The following ADGRB2 variants were observed in gnomAD, a reference collection of about 807,000 sequenced individuals.
The protein encoded by ADGRB2 is adhesion G protein-coupled receptor B2, also known as brain-specific angiogenesis inhibitor 2.
In ADGRB2, 47 loss-of-function variants were observed where a neutral mutation model predicts 178.7. The observed-to-expected ratio is 0.26, with a 90% CI of 0.21 to 0.34. The LOEUF (loss-of-function observed/expected upper bound fraction) is 0.34, where lower values mean the gene tolerates loss of function less well. ADGRB2 is among the 10% of genes least tolerant of loss of function. ADGRB2 has a pLI of 1.00. For synonymous variants in ADGRB2, 870 were observed against 912.4 expected (o/e 0.95, Z 0.84); for missense variants, 1,584 against 2,180.8 (o/e 0.73, Z 5.45).
rs1272983863 is a variant in ADGRB2, at chr1:31,735,843, G to A, written c.3251C>T (p.Ala1084Val). Reference sequence around the variant, plus strand: ...GGCACATACCAGGACAATGACGGCTGCAGGGCCCACAAAGGCGTAGAGCAG... The same window carrying A: ...GGCACATACCAGGACAATGACGGCTACAGGGCCCACAAAGGCGTAGAGCAG... ...GGLLYAFVGP[A>V]AVIVLVNMLI... Residue 1084 changes from alanine to valine, a missense_variant, in exon 23 of 33, where the codon GCA (alanine) becomes GTA (valine). Physicochemically the swap from Ala to Val is moderately conservative, Grantham distance 64. Around this residue, in one of 3 missense-constraint regions of ADGRB2, gnomAD observed 865 missense variants for 1,192.8 expected, o/e 0.73. Transcript: ENST00000373658. This position sits in a 1 kb window ranked among gnomAD's most constrained non-coding sequence, Gnocchi z 6.0. 2.5e-6 allele frequency: 4 copies of A among 1,609,330 alleles called. No individual in the cohort carries two copies. The highest frequency in any genetic ancestry group is 3.4e-6 in the Non-Finnish European group (4 of 1,177,640).
In ADGRB2 at chr1:31,764,151, T is replaced by TC. The variant is rs1647134493; in HGVS notation, c.-459dup. 22 of 623,266 alleles carry TC rather than the reference T, an allele frequency of 3.5e-5. No individual in the cohort carries two copies. The South Asian group carries it at 5.7e-4, about 16-fold the overall frequency. 38.6% of individuals were successfully genotyped at this position (623,266 alleles called of 1,614,324 possible). A position where few individuals can be genotyped will look rare whatever the true frequency, so the allele number is the denominator to read the frequency against. On this transcript the variant is annotated 5_prime_UTR_variant, in exon 1 of 33. Coordinates refer to ENST00000373658, the MANE Select transcript of ADGRB2 (RefSeq NM_001364857.2). This position sits in a 1 kb window ranked among gnomAD's most constrained non-coding sequence, Gnocchi z 7.3. ...GCCTCCTTGCCGCGCCGCCCCCCGC[T>TC]CCCCCGCTCCCCCGCCCCGAGCACC...
At chr1:31,732,291 C>T in intron 27 of ADGRB2, 137 bp from the exon 28 acceptor site, 6 of 1,312,936 alleles carry the variant, frequency 4.6e-6, no homozygotes, top group Non-Finnish European at 6.4e-6. Flanking sequence ...GCCCATGGCC[C>T]AGCAGAGCCC....
chr1:31,742,621 C>A (rs887096592), intron 7 of ADGRB2, among the ~76,000 whole-genome samples: 8 of 152,212 alleles, frequency 5.3e-5, no homozygotes, highest in African/African-American at 1.2e-4. Context: ...CTCTTGATGG[C>A]GTCACAGGGT....
At position 31,741,977 on chromosome 1, in the gene ADGRB2, A is replaced by G. The variant is rs1262840478; in HGVS notation, c.1418-10T>C. The G allele has an allele frequency of 1.3e-6, 2 of 1,585,384 alleles. No individual in the cohort carries two copies. Among genetic ancestry groups the G allele is most frequent in the Non-Finnish European group, 1.7e-6 (2 of 1,161,080 alleles). ...CACTTGCTATCAGTGGCTGTGGGAG[A>G]GGTGAGGCATATGAGTGGGCCCAGG... On this transcript the variant is annotated splice_polypyrimidine_tract_variant and intron_variant, in intron 8 of 32. Coordinates refer to ENST00000373658, the MANE Select transcript of ADGRB2 (RefSeq NM_001364857.2). This position sits in a 1 kb window ranked among gnomAD's most constrained non-coding sequence, Gnocchi z 6.5.
intron 1 of ADGRB2, among the ~76,000 whole-genome samples, chr1:31,762,238 C>T (rs1450810659): frequency 1.3e-5 from 2 of 152,090 alleles, no homozygotes; most frequent in Non-Finnish European, 2.9e-5. Context: ...GGGAAGATCT[C>T]TTCTCTCAAT....
chr1:31,738,442 C>T, intron 17 of ADGRB2, 116 bp from the exon 18 acceptor site: 1 of 1,545,694 alleles, frequency 6.5e-7, no homozygotes, highest in Non-Finnish European at 8.8e-7. Context: ...CACGAGGCAA[C>T]AGCAGGGAGT....
In ADGRB2 at chr1:31,761,375, G is replaced by A. The variant is rs1647038584; in HGVS notation, c.-191+2509C>T. Reference sequence around the variant, plus strand: ...TCTGACCCAAGGCAAAGGGCCCTGGGAAATTCCTGATGGTGTCTGACCTCC... The same window carrying A: ...TCTGACCCAAGGCAAAGGGCCCTGGAAAATTCCTGATGGTGTCTGACCTCC... On this transcript the variant is annotated intron_variant, in intron 1 of 32. Transcript: ENST00000373658. This position sits in a 1 kb window ranked among gnomAD's most constrained non-coding sequence, Gnocchi z 4.2. 6.6e-6 allele frequency among the ~76,000 whole-genome samples: 1 copy of A among 152,242 alleles called. No individual in the cohort carries two copies. The highest frequency in any genetic ancestry group is 2.4e-5 in the African/African-American group (1 of 41,468).
chr1:31,739,104 C>G, intron 15 of ADGRB2, 167 bp from the exon 16 acceptor site: 1 of 830,354 alleles, frequency 1.2e-6, no homozygotes, highest in African/African-American at 1.7e-5. Context: ...GAGCTCTGTC[C>G]CTCACCCGCT....
chr1:31,732,211 G>C, intron 27 of ADGRB2, 57 bp from the exon 28 acceptor site: 1 of 1,608,660 alleles, frequency 6.2e-7, no homozygotes. Context: ...TATCAGGGTG[G>C]GAGGAGGCTC....
chr1:31,737,346 C>A, intron 20 of ADGRB2, 83 bp downstream of exon 20: 2 of 1,323,514 alleles, frequency 1.5e-6, no homozygotes, highest in South Asian at 1.2e-5. Context: ...AATGGACGTA[C>A]AAGCAAACAC....
At position 31,733,919 on chromosome 1, in the gene ADGRB2, C is replaced by T. The variant is rs756158825; in HGVS notation, c.3453-776G>A. Reference sequence around the variant, plus strand: ...CATGAGGGACAGCCAGGCCACCATACCCTCCCGGGCCAGGTGCCACACTCA... The same window carrying T: ...CATGAGGGACAGCCAGGCCACCATATCCTCCCGGGCCAGGTGCCACACTCA... On this transcript the variant is annotated intron_variant, in intron 25 of 32. Transcript: ENST00000373658. This position sits in a 1 kb window ranked among gnomAD's most constrained non-coding sequence, Gnocchi z 4.3. Among the ~76,000 whole-genome samples, 4 of 152,212 alleles carry T rather than the reference C, an allele frequency of 2.6e-5. No individual in the cohort carries two copies. The highest frequency in any genetic ancestry group is 5.9e-5 in the Non-Finnish European group (4 of 68,038).
rs1646063693 is a variant in ADGRB2, at chr1:31,743,017, G to A, written c.1088-15C>T. The A allele has an allele frequency of 1.4e-6, 2 of 1,412,600 alleles. No individual in the cohort carries two copies. The highest frequency in any genetic ancestry group is 1.9e-6 in the Non-Finnish European group (2 of 1,078,170). 87.5% of individuals were successfully genotyped at this position (1,412,600 alleles called of 1,614,324 possible). On this transcript the variant is annotated splice_polypyrimidine_tract_variant and intron_variant, in intron 6 of 32. Coordinates refer to ENST00000373658, the MANE Select transcript of ADGRB2 (RefSeq NM_001364857.2). The stretch of plus-strand genomic sequence containing the variant: ...CACGCCGTGCACTGCAAGGAAGCAC[G>A]TGGCCGGTGGCTGGGCGGCACCATG...
chr1:31,744,182 G>A lies in ADGRB2; in HGVS notation c.1087+11C>T. The A allele has an allele frequency of 6.6e-7, 1 of 1,517,702 alleles. No homozygotes were observed. Among genetic ancestry groups the A allele is most frequent in the East Asian group, 2.5e-5 (1 of 40,244 alleles). The allele number at this position is 1,517,702 out of a possible 1,614,324, so 94.0% of individuals were successfully genotyped here. A position where few individuals can be genotyped will look rare whatever the true frequency, so the allele number is the denominator to read the frequency against. ...TGCAGGCAGGTGGGGTGGGGAGGAG[G>A]ATGGGCCTACCTGGGCAGGTGGCTG... On this transcript the variant is annotated intron_variant, in intron 6 of 32. Coordinates refer to ENST00000373658, the MANE Select transcript of ADGRB2 (RefSeq NM_001364857.2). This position sits in a 1 kb window ranked among gnomAD's most constrained non-coding sequence, Gnocchi z 6.7.
chr1:31,733,373 G>A lies in ADGRB2; in HGVS notation c.3453-230C>T, dbSNP rs970703575. Among the ~76,000 whole-genome samples, 11 of 152,220 alleles carry A rather than the reference G, an allele frequency of 7.2e-5. No homozygotes were observed. The highest frequency in any genetic ancestry group is 2.7e-4 in the African/African-American group (11 of 41,452). On this transcript the variant is annotated intron_variant, in intron 25 of 32. Transcript: ENST00000373658. This position sits in a 1 kb window ranked among gnomAD's most constrained non-coding sequence, Gnocchi z 4.3. ...CGGGGTCAGAGCAGGGACCAGGAAG[G>A]TGGGGAAGGACACGCAGACACAGTG...
intron 4 of ADGRB2, among the ~76,000 whole-genome samples, chr1:31,746,070 G>A (rs1298493997): frequency 6.6e-6 from 1 of 152,112 alleles, no homozygotes; most frequent in East Asian, 1.9e-4. Flanking sequence ...TCCCAAATGG[G>A]GTGTGGACAT....
intron 4 of ADGRB2, among the ~76,000 whole-genome samples, chr1:31,752,146 CG>C (rs1646607953): frequency 6.6e-6 from 1 of 152,168 alleles, no homozygotes. Flanking sequence ...CCTCCCCCAC[CG>C]GTGGGCAGAC....
Position 31,744,837 on chromosome 1 carries a change from C to G in ADGRB2, c.839-106G>C. The G allele has an allele frequency of 1.9e-6, 2 of 1,036,148 alleles. No homozygotes were observed. Among genetic ancestry groups the G allele is most frequent in the Non-Finnish European group, 3.0e-6 (2 of 670,938 alleles). The allele number at this position is 1,036,148 out of a possible 1,614,324, so 64.2% of individuals were successfully genotyped here. On this transcript the variant is annotated intron_variant, in intron 4 of 32. Coordinates refer to ENST00000373658, the MANE Select transcript of ADGRB2 (RefSeq NM_001364857.2). This position sits in a 1 kb window ranked among gnomAD's most constrained non-coding sequence, Gnocchi z 6.7. ...TTGCCCTCCGCCTGAGGGCCTGGAA[C>G]CAACTGCATGATGCTCTCTCAGGAT...
rs1176605410 is a variant in ADGRB2 at position 31,759,337 on chromosome 1, C to T, written c.-190-1826G>A. ...AGAACACACATGAGTATCTGGCCCTCTGAGGCTCAGCATATGACAGCTAAG... is the reference window on the plus strand; with the variant it reads ...AGAACACACATGAGTATCTGGCCCTTTGAGGCTCAGCATATGACAGCTAAG... On this transcript the variant is annotated intron_variant, in intron 1 of 32. Transcript: ENST00000373658. The surrounding 1 kb of genome is among the most constrained non-coding windows in gnomAD (Gnocchi z 4.3). 4 of 779,738 alleles carry T rather than the reference C, an allele frequency of 5.1e-6. No individual in the cohort carries two copies. In the Admixed American group the frequency reaches 6.8e-5, roughly 13 times the overall value. 48.3% of individuals were successfully genotyped at this position (779,738 alleles called of 1,614,324 possible).
At chr1:31,749,793 T>C (rs1254945510) in intron 4 of ADGRB2, among the ~76,000 whole-genome samples, 5 of 152,172 alleles carry the variant, frequency 3.3e-5, no homozygotes, top group African/African-American at 7.2e-5. Flanking sequence ...GGCATGTGCC[T>C]GTAGTCCCAG....
Sources: allele counts gnomAD v4.1 joint callset (sites outside exome capture counted in the v4.1 genomes callset), GRCh38; gene constraint gnomAD v4.1.1; regional missense constraint gnomAD v4.1.1; non-coding constraint Gnocchi (gnomAD v3.1); transcripts MANE v1.5; gene names NCBI Gene and HGNC (gene_info 2026-07-23, HGNC 2026-07-21).